KCTD4: variants seen among roughly 807,000 people sequenced by gnomAD.
KCTD4 encodes the protein potassium channel tetramerization domain containing 4, also known as BTB/POZ domain-containing protein KCTD4.
Under a neutral mutation model 18.3 loss-of-function variants are expected in KCTD4, and 12 were observed. The observed-to-expected ratio is 0.66, with a 90% CI of 0.42 to 1.06. The LOEUF is 1.06. KCTD4 is among the 50% of genes least tolerant of loss of function. KCTD4 has a pLI of 0.00. For synonymous variants in KCTD4, 124 were observed against 110.5 expected, an observed-to-expected ratio of 1.12 and a Z score of -0.76; for missense variants, 250 against 303.4, an observed-to-expected ratio of 0.82 and a Z score of 1.31.
rs146989117 is a variant in KCTD4 at position 45,197,980 on chromosome 13, CAT to C, written c.-188+2842_-188+2843del. Among the ~76,000 whole-genome samples the C allele has an allele frequency of 2.8e-4, 43 of 152,348 alleles. No individual in the cohort carries two copies. In the East Asian group the frequency reaches 7.9e-3, roughly 28 times the overall value. On this transcript the variant is annotated intron_variant, in intron 1 of 1. Transcript: ENST00000379108. ...TTTTATCTGCCTTTGCAGGCAAAAA[CAT>C]ATAAAAATTTGAAAGATTGGGGTCC...
rs1435067190 is a variant in KCTD4, at chr13:45,193,083, T to A, written c.*705A>T. ...AGTGACCTGTAACTTTTTATTATAA[T>A]CATTAATACAATCAAAGAAGGTAGC... is the stretch of plus-strand genomic sequence containing the variant. On this transcript the variant is annotated 3_prime_UTR_variant, in exon 2 of 2. Coordinates refer to ENST00000379108, the MANE Select transcript of KCTD4 (RefSeq NM_198404.3). 1 of 152,204 alleles carries A rather than the reference T, an allele frequency of 6.6e-6. No individual in the cohort carries two copies. Among genetic ancestry groups the A allele is most frequent in the Non-Finnish European group, 1.5e-5 (1 of 68,030 alleles). 9.4% of individuals were successfully genotyped at this position (152,204 alleles called of 1,614,324 possible). A position where few individuals can be genotyped will look rare whatever the true frequency, so the allele number is the denominator to read the frequency against.
chr13:45,194,607 G>T lies in KCTD4; in HGVS notation c.-40C>A, dbSNP rs369829244. The T allele has an allele frequency of 6.4e-7, 1 of 1,559,570 alleles. No individual in the cohort carries two copies. The highest frequency in any genetic ancestry group is 8.7e-7 in the Non-Finnish European group (1 of 1,150,358). On this transcript the variant is annotated 5_prime_UTR_variant, in exon 2 of 2. Coordinates refer to ENST00000379108, the MANE Select transcript of KCTD4 (RefSeq NM_198404.3). ...ATTTCAGCTTGTTCTTCTTGGCTTT[G>T]AGATTTTTTAAAAAGAGACACTACC...
chr13:45,197,625 T>C (rs1424258739), intron 1 of KCTD4, among the ~76,000 whole-genome samples: 1 of 152,142 alleles, frequency 6.6e-6, no homozygotes, highest in East Asian at 1.9e-4. Context: ...TCATTGATCA[T>C]TGCTGCCTGT....
At chr13:45,197,819 G>A (rs1872976519) in intron 1 of KCTD4, among the ~76,000 whole-genome samples, 1 of 152,174 alleles carries the variant, frequency 6.6e-6, no homozygotes, top group South Asian at 2.1e-4. Context: ...AGACATCCCT[G>A]GATCATGGGA....
In KCTD4 at chr13:45,193,292, A is replaced by G. The variant is rs1052634285; in HGVS notation, c.*496T>C. 6.6e-6 allele frequency: 1 copy of G among 152,588 alleles called. No homozygotes were observed. The highest frequency in any genetic ancestry group is 1.5e-5 in the Non-Finnish European group (1 of 68,348). The allele number at this position is 152,588 out of a possible 1,614,324, so 9.5% of individuals were successfully genotyped here. ...TTACAATCTCATTTTGTTTCACTAT[A>G]GCTCTGTTTTAGTTAGATCTGCACA... On this transcript the variant is annotated 3_prime_UTR_variant, in exon 2 of 2. Coordinates refer to ENST00000379108, the MANE Select transcript of KCTD4 (RefSeq NM_198404.3).
intron 1 of KCTD4, among the ~76,000 whole-genome samples, chr13:45,199,051 CA>C (rs780902316): frequency 3.3e-5 from 5 of 152,170 alleles, no homozygotes; most frequent in Non-Finnish European, 5.9e-5. Flanking sequence ...AGTACTATGG[CA>C]GCCACTTTAT....
chr13:45,195,307 G>A (rs1185358739), intron 1 of KCTD4, among the ~76,000 whole-genome samples: 2 of 151,440 alleles, frequency 1.3e-5, no homozygotes, highest in Non-Finnish European at 2.9e-5. Context: ...AAATCAAATA[G>A]GCTTTACAGT....
rs1444958878 is a variant in KCTD4 at position 45,194,579 on chromosome 13, GCTATTTCAGCTTGTTCTT to G, written c.-30_-13del. The G allele has an allele frequency of 4.4e-6, 7 of 1,599,462 alleles. No individual in the cohort carries two copies. Among genetic ancestry groups the G allele is most frequent in the Non-Finnish European group, 6.0e-6 (7 of 1,173,318 alleles). ...ATTTTACGCTCCATTTTTTGAAGAT[GCTATTTCAGCTTGTTCTT>G]CTTGGCTTTGAGATTTTTTAAAAAG... On this transcript the variant is annotated 5_prime_UTR_variant, in exon 2 of 2. Coordinates refer to ENST00000379108, the MANE Select transcript of KCTD4 (RefSeq NM_198404.3).
rs1484966827 is a variant in KCTD4 at position 45,194,459 on chromosome 13, G to C, written c.109C>G (p.Leu37Val). The change falls in exon 2 of 2, where the codon CTC becomes GTC. Residue 37 changes from leucine to valine, a missense_variant. Leu to Val is a conservative substitution (Grantham distance 32). Coordinates refer to ENST00000379108, the MANE Select transcript of KCTD4 (RefSeq NM_198404.3). ...GKNCKSTLMT[L>V]NVGGYLYITQ... ...ATGTATAAATATCCACCAACGTTGAGGGTCATCAGTGTGGATTTGCAGTTC... is the reference window on the plus strand; with the variant it reads ...ATGTATAAATATCCACCAACGTTGACGGTCATCAGTGTGGATTTGCAGTTC... 1 of 1,614,114 alleles carries C rather than the reference G, an allele frequency of 6.2e-7. No individual in the cohort carries two copies. Among genetic ancestry groups the C allele is most frequent in the South Asian group, 1.1e-5 (1 of 91,082 alleles).
Position 45,193,754 on chromosome 13 carries a change from G to C in KCTD4, c.*34C>G. ...TGTGGTTTTCCGAAGCTTGCTGGCT[G>C]CATGCTTGTTGCCTTTGTTCGTGAC... On this transcript the variant is annotated 3_prime_UTR_variant, in exon 2 of 2. Coordinates refer to ENST00000379108, the MANE Select transcript of KCTD4 (RefSeq NM_198404.3). 3 of 1,538,738 alleles carry C rather than the reference G, an allele frequency of 1.9e-6. No individual in the cohort carries two copies. The highest frequency in any genetic ancestry group is 1.7e-6 in the Non-Finnish European group (2 of 1,146,184).
rs1482415414 is a variant in KCTD4 at position 45,193,544 on chromosome 13, A to C, written c.*244T>G. On this transcript the variant is annotated 3_prime_UTR_variant, in exon 2 of 2. Coordinates refer to ENST00000379108, the MANE Select transcript of KCTD4 (RefSeq NM_198404.3). ...TAAATAGCAAAAGCTTTCAGTCTTT[A>C]TTTACAGTATATAGAAGGTTACTGT... is the stretch of plus-strand genomic sequence containing the variant. 2.6e-6 allele frequency: 1 copy of C among 390,400 alleles called. No individual in the cohort carries two copies. Among genetic ancestry groups the C allele is most frequent in the African/African-American group, 2.1e-5 (1 of 48,640 alleles). 24.2% of individuals were successfully genotyped at this position (390,400 alleles called of 1,614,324 possible).
rs1241198361 is a variant in KCTD4, at chr13:45,194,455, T to G, written c.113A>C (p.Asn38Thr). ...KNCKSTLMTLNVGGYLYITQK... is the reference protein window; with the variant it reads ...KNCKSTLMTLTVGGYLYITQK... ...AGTAATGTATAAATATCCACCAACG[T>G]TGAGGGTCATCAGTGTGGATTTGCA... is the stretch of plus-strand genomic sequence containing the variant. Residue 38 changes from asparagine to threonine, a missense_variant, in exon 2 of 2, where the codon AAC (asparagine) becomes ACC (threonine). Transcript: ENST00000379108. 1 of 1,614,182 alleles carries G rather than the reference T, an allele frequency of 6.2e-7. No homozygotes were observed. The highest frequency in any genetic ancestry group is 1.7e-5 in the Admixed American group (1 of 60,016).
At position 45,194,756 on chromosome 13, in the gene KCTD4, T is replaced by G. The variant is rs1399596264; in HGVS notation, c.-187-2A>C. 1 of 594,778 alleles carries G rather than the reference T, an allele frequency of 1.7e-6. No individual in the cohort carries two copies. Among genetic ancestry groups the G allele is most frequent in the East Asian group, 2.8e-5 (1 of 36,040 alleles). The allele number at this position is 594,778 out of a possible 1,614,324, so 36.8% of individuals were successfully genotyped here. A position where few individuals can be genotyped will look rare whatever the true frequency, so the allele number is the denominator to read the frequency against. On this transcript the variant is annotated splice_acceptor_variant, in intron 1 of 1. Transcript: ENST00000379108. LOFTEE classifies it low-confidence loss of function (5UTR_SPLICE). ...TCAGCCTATGTATGCAGGAGCTTTC[T>G]GGAGTAAGACGGAAAAGAGAATTTG...
chr13:45,193,706 G>T lies in KCTD4; in HGVS notation c.*82C>A, dbSNP rs1872746715. 8.4e-6 allele frequency: 11 copies of T among 1,310,882 alleles called. No individual in the cohort carries two copies. The highest frequency in any genetic ancestry group is 1.2e-5 in the Non-Finnish European group (11 of 945,930). The allele number at this position is 1,310,882 out of a possible 1,614,324, so 81.2% of individuals were successfully genotyped here. On this transcript the variant is annotated 3_prime_UTR_variant, in exon 2 of 2. Coordinates refer to ENST00000379108, the MANE Select transcript of KCTD4 (RefSeq NM_198404.3). Reference sequence around the variant, plus strand: ...CTGTAGTACAGAGCTAGCTGGGCATGTTATTTGGGATGTCTTTGATGCTGT... The same window carrying T: ...CTGTAGTACAGAGCTAGCTGGGCATTTTATTTGGGATGTCTTTGATGCTGT...
intron 1 of KCTD4, among the ~76,000 whole-genome samples, chr13:45,195,202 A>C (rs1240377781): frequency 1.3e-5 from 2 of 152,170 alleles, no homozygotes; most frequent in African/African-American, 2.4e-5. Flanking sequence ...TTGGATTTGC[A>C]TATGATTCTG....
Position 45,193,424 on chromosome 13 carries a change from A to G in KCTD4, c.*364T>C. On this transcript the variant is annotated 3_prime_UTR_variant, in exon 2 of 2. Coordinates refer to ENST00000379108, the MANE Select transcript of KCTD4 (RefSeq NM_198404.3). Reference sequence around the variant, plus strand: ...TAATAGCCCCTTAAAATATTTTATTACCATTTACTTAAATGAACGATAGAT... The same window carrying G: ...TAATAGCCCCTTAAAATATTTTATTGCCATTTACTTAAATGAACGATAGAT... The G allele has an allele frequency of 5.9e-6, 1 of 170,258 alleles. No homozygotes were observed. The allele number at this position is 170,258 out of a possible 1,614,324, so 10.5% of individuals were successfully genotyped here. A position where few individuals can be genotyped will look rare whatever the true frequency, so the allele number is the denominator to read the frequency against.
chr13:45,195,289 T>TA (rs961582568), intron 1 of KCTD4, among the ~76,000 whole-genome samples: 73 of 149,752 alleles, frequency 4.9e-4, no homozygotes, highest in Middle Eastern at 3.5e-3. Flanking sequence ...ACCCTAAAAG[T>TA]AAAAAAAAAA....
chr13:45,200,334 A>AT (rs1873114154), intron 1 of KCTD4, among the ~76,000 whole-genome samples: 1 of 152,098 alleles, frequency 6.6e-6, no homozygotes, highest in Non-Finnish European at 1.5e-5. Context: ...ATTAAATTTT[A>AT]TTTTTTGATA....
At chr13:45,199,297 A>G (rs182134098) in intron 1 of KCTD4, among the ~76,000 whole-genome samples, 28 of 152,368 alleles carry the variant, frequency 1.8e-4, no homozygotes, top group African/African-American at 5.8e-4. Context: ...ATAAGGCACT[A>G]TGTGTCAAAA....
Sources: gnomAD v4.1 joint callset for allele counts (sites outside exome capture counted in the v4.1 genomes callset) on GRCh38, gnomAD v4.1.1 for gene constraint, MANE v1.5 for transcripts, NCBI Gene and HGNC (gene_info 2026-07-23, HGNC 2026-07-21) for gene names.